TMEM94: variants seen among roughly 807,000 people sequenced by gnomAD.
TMEM94 encodes transmembrane protein 94, also known as ER Mg2+ ATPase.
TMEM94 carries 81 observed loss-of-function variants against 158.6 expected under a neutral mutation model. The observed-to-expected ratio is 0.51, with a 90% CI of 0.43 to 0.61. TMEM94 has a LOEUF of 0.61. TMEM94 is among the 20% of genes least tolerant of loss of function. The pLI, the probability that TMEM94 is intolerant of heterozygous loss-of-function variation, is 0.00. For synonymous variants in TMEM94, 751 were observed against 730.7 expected (o/e 1.03, Z -0.45); for missense variants, 1,435 against 1,762.0 (o/e 0.81, Z 3.32).
chr17:75,483,779 T>C (rs1171873138), intron 2 of TMEM94, among the ~76,000 whole-genome samples: 2 of 152,116 alleles, frequency 1.3e-5, no homozygotes, highest in Admixed American at 1.3e-4. Context: ...TTTGGACACA[T>C]TGACTCCTAG....
intron 27 of TMEM94, 79 bp downstream of exon 27, chr17:75,497,941 C>A: frequency 1.5e-6 from 2 of 1,343,170 alleles, no homozygotes; most frequent in Non-Finnish European, 2.1e-6. Context: ...AGGGGCTAAT[C>A]TGGAAGGCTC....
chr17:75,492,523 G>T lies in TMEM94; in HGVS notation c.1646G>T (p.Cys549Phe). The change falls in exon 15 of 32, where the codon TGT becomes TTT. Residue 549 changes from cysteine (C) to phenylalanine (F), a missense_variant. Cys to Phe is a radical substitution (Grantham distance 205, BLOSUM62 -2). This residue lies in a region of TMEM94 where 1,051 missense variants were observed against 1,254.4 expected (regional missense o/e 0.84). Coordinates refer to ENST00000314256, the MANE Select transcript of TMEM94 (RefSeq NM_014738.6). This position sits in a 1 kb window ranked among gnomAD's most constrained non-coding sequence, Gnocchi z 4.4. The stretch of plus-strand genomic sequence containing the variant: ...CCCTACGAAGCAGAGGACTTTGTGT[G>T]TGACTACCACCTGGAGATGCTGAGC... ...SDPYEAEDFV[C>F]DYHLEMLSLS... 6.2e-7 allele frequency: 1 copy of T among 1,612,574 alleles called. No individual in the cohort carries two copies. The highest frequency in any genetic ancestry group is 1.3e-5 in the African/African-American group (1 of 75,008).
chr17:75,465,679 A>ATATATATTTATTTTTT (rs1247855961), intron 1 of TMEM94, among the ~76,000 whole-genome samples: 1 of 124,848 alleles, frequency 8.0e-6, no homozygotes, highest in African/African-American at 3.5e-5. Context: ...ATATATATAT[A>ATATATATTTATTTTTT]TTTTTTTTTA....
chr17:75,473,714 C>T (rs1434032480), intron 2 of TMEM94, among the ~76,000 whole-genome samples: 1 of 152,158 alleles, frequency 6.6e-6, no homozygotes, highest in Non-Finnish European at 1.5e-5. Flanking sequence ...CGTCAGTCAT[C>T]CTTGGCAGTC....
chr17:75,485,962 T>TGCTGCTGG lies in TMEM94; in HGVS notation c.244_251dup (p.Cys84TrpfsTer17). The TGCTGCTGG allele has an allele frequency of 6.2e-7, 1 of 1,613,386 alleles. No individual in the cohort carries two copies. The highest frequency in any genetic ancestry group is 1.1e-5 in the South Asian group (1 of 91,046). ...TCACTCATGCTACTGGCCGTGCTGCTGCTGCTGGGCTGCTGCGGGGGACAG... is the reference window on the plus strand; with the variant it reads ...TCACTCATGCTACTGGCCGTGCTGCTGCTGCTGGGCTGCTGGGCTGCTGCGGGGGACAG... On this transcript the variant is annotated frameshift_variant, in exon 4 of 32. Transcript: ENST00000314256. LOFTEE classifies it high-confidence loss of function. This position sits in a 1 kb window ranked among gnomAD's most constrained non-coding sequence, Gnocchi z 5.5.
intron 2 of TMEM94, among the ~76,000 whole-genome samples, chr17:75,479,317 C>T (rs552128298): frequency 6.6e-6 from 1 of 151,126 alleles, no homozygotes; most frequent in African/African-American, 2.4e-5. Flanking sequence ...ATTTATTTTT[C>T]ATTTATTATT....
In TMEM94 at chr17:75,497,157, C is replaced by T. The variant is rs374000184; in HGVS notation, c.3366C>T (p.Thr1122=). ...LVQLPPLLST[T]DILWLSCFCY... The stretch of plus-strand genomic sequence containing the variant: ...AGCTGCCGCCACTCCTGAGTACCAC[C>T]GACATCCTGTGGCTGTCCTGCTTTT... The change falls in exon 26 of 32, where the codon ACC becomes ACT. Residue 1122 remains threonine (T), a synonymous_variant. Coordinates refer to ENST00000314256, the MANE Select transcript of TMEM94 (RefSeq NM_014738.6). 1.6e-4 allele frequency: 266 copies of T among 1,613,950 alleles called. No homozygotes were observed. Among genetic ancestry groups the T allele is most frequent in the Non-Finnish European group, 2.1e-4 (245 of 1,180,004 alleles).
intron 1 of TMEM94, among the ~76,000 whole-genome samples, chr17:75,461,280 A>T (rs915183525): frequency 6.6e-6 from 1 of 151,542 alleles, no homozygotes; most frequent in Non-Finnish European, 1.5e-5. Flanking sequence ...TTGTATTTTT[A>T]GTAGAGCCGG....
At chr17:75,499,126 C>T in intron 31 of TMEM94, 44 bp downstream of exon 31, 1 of 1,580,006 alleles carries the variant, frequency 6.3e-7, no homozygotes, top group Non-Finnish European at 8.6e-7. Context: ...CAGGCATGTT[C>T]CCTAAACCTG....
At chr17:75,475,048 G>C (rs1413426370) in intron 2 of TMEM94, among the ~76,000 whole-genome samples, 1 of 152,206 alleles carries the variant, frequency 6.6e-6, no homozygotes, top group Non-Finnish European at 1.5e-5. Flanking sequence ...TCACATAGAA[G>C]GGACAGTGTT....
At chr17:75,494,846 T>A in intron 19 of TMEM94, 38 bp downstream of exon 19, 1 of 1,612,680 alleles carries the variant, frequency 6.2e-7, no homozygotes, top group Non-Finnish European at 8.5e-7. Flanking sequence ...ACTAACTCTG[T>A]TTCCACGGGC....
chr17:75,479,783 G>A (rs769900731), intron 2 of TMEM94, among the ~76,000 whole-genome samples: 11 of 152,144 alleles, frequency 7.2e-5, no homozygotes, highest in East Asian at 3.9e-4. Flanking sequence ...GCTGGGTGTC[G>A]TGGCATCACC....
At position 75,495,788 on chromosome 17, in the gene TMEM94, CT is replaced by C. The variant is rs1449459841; in HGVS notation, c.2944+147del. ...CCTGGGCTGGGATCAGCTGGGGAAT[CT>C]TGTGGGTTGGAGTCAGAAGTGCCGA... On this transcript the variant is annotated intron_variant, in intron 22 of 31. Coordinates refer to ENST00000314256, the MANE Select transcript of TMEM94 (RefSeq NM_014738.6). This position sits in a 1 kb window ranked among gnomAD's most constrained non-coding sequence, Gnocchi z 5.6. 7.9e-6 allele frequency: 7 copies of C among 886,306 alleles called. No homozygotes were observed. In the African/African-American group the frequency reaches 1.2e-4, roughly 15 times the overall value. 54.9% of individuals were successfully genotyped at this position (886,306 alleles called of 1,614,324 possible).
At position 75,498,867 on chromosome 17, in the gene TMEM94, G is replaced by C; in HGVS notation, c.3828-45G>C. On this transcript the variant is annotated intron_variant, in intron 30 of 31. Transcript: ENST00000314256. This position sits in a 1 kb window ranked among gnomAD's most constrained non-coding sequence, Gnocchi z 6.7. ...TGTTGTACTGGGAAGAGCAGGGAAG[G>C]AAGCAAGCAGTGTCGGGTTCACACG... The C allele has an allele frequency of 6.6e-7, 1 of 1,525,860 alleles. No individual in the cohort carries two copies. The allele number at this position is 1,525,860 out of a possible 1,614,324, so 94.5% of individuals were successfully genotyped here.
intron 26 of TMEM94, 38 bp from the exon 27 acceptor site, chr17:75,497,743 C>G (rs1567979212): frequency 3.3e-6 from 5 of 1,517,598 alleles, no homozygotes; most frequent in Non-Finnish European, 2.7e-6. Flanking sequence ...GACAGAGGGT[C>G]ATTGTCACCA....
rs537111052 is a variant in TMEM94, at chr17:75,486,515, G to A, written c.409+89G>A. On this transcript the variant is annotated intron_variant, in intron 5 of 31. Transcript: ENST00000314256. ...TCCCCTCCTGCACCCCAGCACAGAC[G>A]GGTTGCCTGTGGCCAGCATTGCAGG... 4.3e-5 allele frequency: 66 copies of A among 1,531,140 alleles called. 2 individuals are homozygous for A. The Middle Eastern group carries it at 6.9e-4, about 16-fold the overall frequency. The allele number at this position is 1,531,140 out of a possible 1,614,324, so 94.8% of individuals were successfully genotyped here. A position where few individuals can be genotyped will look rare whatever the true frequency, so the allele number is the denominator to read the frequency against.
intron 1 of TMEM94, chr17:75,457,685 A>G (rs1258695662): frequency 6.6e-6 from 1 of 152,198 alleles, no homozygotes. Context: ...TTAGTGACAT[A>G]GTTGTTATTC....
At position 75,485,481 on chromosome 17, in the gene TMEM94, G is replaced by A. The variant is rs780465530; in HGVS notation, c.78G>A (p.Leu26=). Residue 26 remains leucine, a synonymous_variant, in exon 3 of 32, where the codon CTG becomes CTA. Transcript: ENST00000314256. The surrounding 1 kb of genome is among the most constrained non-coding windows in gnomAD (Gnocchi z 5.5). ...GLSTRKALSV[L]KEQLEAVLEG... The stretch of plus-strand genomic sequence containing the variant: ...CCACGCGGAAGGCCCTCAGCGTCCT[G>A]AAGGAGCAGCTGGAGGCAGTGCTGG... The A allele has an allele frequency of 6.8e-6, 11 of 1,614,200 alleles. 1 individual carries two copies. The South Asian group carries it at 1.2e-4, about 18-fold the overall frequency.
chr17:75,494,597 C>T lies in TMEM94; in HGVS notation c.2408-30C>T, dbSNP rs144257413. The T allele has an allele frequency of 2.5e-5, 40 of 1,606,608 alleles. No individual in the cohort carries two copies. The Middle Eastern group carries it at 5.0e-4, about 20-fold the overall frequency. On this transcript the variant is annotated intron_variant, in intron 18 of 31. Coordinates refer to ENST00000314256, the MANE Select transcript of TMEM94 (RefSeq NM_014738.6). ...TGGGCTGGTTCCTGGGTGTCCTGAT[C>T]GGGCTGTGTCCTGTGTGTCCTGCCT...
Sources: allele counts gnomAD v4.1 joint callset (sites outside exome capture counted in the v4.1 genomes callset), GRCh38; gene constraint gnomAD v4.1.1; regional missense constraint gnomAD v4.1.1; non-coding constraint Gnocchi (gnomAD v3.1); transcripts MANE v1.5; gene names NCBI Gene and HGNC (gene_info 2026-07-23, HGNC 2026-07-21).